ZNF229: variants seen among roughly 807,000 people sequenced by gnomAD.
The protein encoded by ZNF229 is zinc finger protein 229.
Under a neutral mutation model 11.8 loss-of-function variants are expected in ZNF229, and 10 were observed. The observed-to-expected ratio is 0.85, with a 90% CI of 0.52 to 1.44. The LOEUF is 1.44. ZNF229 is among the 40% of genes most tolerant of loss of function. The probability of loss-of-function intolerance (pLI) is 0.00; values close to 1 mark genes in which losing one functional copy is unlikely to be tolerated. For synonymous variants in ZNF229, 368 were observed against 374.8 expected (o/e 0.98, Z 0.21); for missense variants, 1,045 against 1,015.1 (o/e 1.03, Z -0.40).
At chr19:44,444,684 G>T (rs1200816011) in intron 2 of ZNF229, among the ~76,000 whole-genome samples, 1 of 152,214 alleles carries the variant, frequency 6.6e-6, no homozygotes, top group East Asian at 1.9e-4. Context: ...TTCTAATTCT[G>T]TATCTCTGCA....
chr19:44,431,813 C>T (rs955591943), intron 5 of ZNF229: 4 of 988,896 alleles, frequency 4.0e-6, no homozygotes, highest in Admixed American at 6.1e-5. Context: ...CCCCAGTCTT[C>T]AAAAATTCCT....
chr19:44,431,763 T>C (rs1472415507), intron 5 of ZNF229: 1 of 987,918 alleles, frequency 1.0e-6, no homozygotes, highest in African/African-American at 1.7e-5. Flanking sequence ...CTCATGGTTC[T>C]CACCTGGAGA....
chr19:44,448,439 G>C lies in ZNF229; in HGVS notation c.-396C>G, dbSNP rs894276355. 1 of 152,348 alleles carries C rather than the reference G, an allele frequency of 6.6e-6. No individual in the cohort carries two copies. Among genetic ancestry groups the C allele is most frequent in the East Asian group, 1.9e-4 (1 of 5,188 alleles). 9.4% of individuals were successfully genotyped at this position (152,348 alleles called of 1,614,324 possible). A position where few individuals can be genotyped will look rare whatever the true frequency, so the allele number is the denominator to read the frequency against. Reference sequence around the variant, plus strand: ...ACCGCATGGAGATGCACGTCTCTAAGACGCCTCACCACTGCCTAAGAAGCA... The same window carrying C: ...ACCGCATGGAGATGCACGTCTCTAACACGCCTCACCACTGCCTAAGAAGCA... On this transcript the variant is annotated 5_prime_UTR_variant, in exon 1 of 6. Coordinates refer to ENST00000614049, the MANE Select transcript of ZNF229 (RefSeq NM_014518.4).
chr19:44,430,710 T>A (rs1971708515), intron 5 of ZNF229, among the ~76,000 whole-genome samples, 168 bp from the exon 6 acceptor site: 1 of 152,116 alleles, frequency 6.6e-6, no homozygotes, highest in South Asian at 2.1e-4. Flanking sequence ...ATTAATAAGT[T>A]TTGAAGCTAA....
At chr19:44,441,494 A>G (rs115602488) in intron 4 of ZNF229, among the ~76,000 whole-genome samples, 1,577 of 152,350 alleles carry the variant, frequency 0.01, 31 homozygotes, top group African/African-American at 0.035. Flanking sequence ...TTCAGTTTAA[A>G]AGAAAATTAA....
chr19:44,448,503 C>G (rs1972043738), upstream of ZNF229: 1 of 152,224 alleles, frequency 6.6e-6, no homozygotes, highest in Non-Finnish European at 1.5e-5. Flanking sequence ...AAGTAGTCGA[C>G]TCGAGGTGTG....
rs1971611671 is a variant in ZNF229 at position 44,428,095 on chromosome 19, CAG to C, written c.*206_*207del. The C allele has an allele frequency of 3.6e-6, 2 of 556,478 alleles. No homozygotes were observed. Among genetic ancestry groups the C allele is most frequent in the East Asian group, 2.9e-5 (1 of 34,472 alleles). 34.5% of individuals were successfully genotyped at this position (556,478 alleles called of 1,614,324 possible). A position where few individuals can be genotyped will look rare whatever the true frequency, so the allele number is the denominator to read the frequency against. On this transcript the variant is annotated 3_prime_UTR_variant, in exon 6 of 6. Coordinates refer to ENST00000614049, the MANE Select transcript of ZNF229 (RefSeq NM_014518.4). ...CTTTAAAGCCTACTCCGCTGCACAA[CAG>C]ACTCTTAAAGACTGAAGTTTGTAAC...
chr19:44,446,748 C>T (rs11670301), intron 2 of ZNF229, among the ~76,000 whole-genome samples: 16,818 of 152,192 alleles, frequency 0.11, 959 homozygotes, highest in Middle Eastern at 0.18. Context: ...TGCTTACTTT[C>T]GGGTGGGTTA....
chr19:44,446,568 A>G (rs1169990027), intron 2 of ZNF229, among the ~76,000 whole-genome samples: 1 of 152,262 alleles, frequency 6.6e-6, no homozygotes, highest in East Asian at 1.9e-4. Context: ...TACGTGGTAC[A>G]CAGAAAATCA....
rs1299054437 is a variant in ZNF229, at chr19:44,429,490, TCTCCCCTGTGTGCAGCCTCTGATGGA to T, written c.1265_1290del (p.Val422GlufsTer62). ...CCACACTCGCTGCAGGTGTAGGGCT[TCTCCCCTGTGTGCAGCCTCTGATGGA>T]CTTGAAGCACTGAGCTGTAACTGAA... On this transcript the variant is annotated frameshift_variant, in exon 6 of 6. Transcript: ENST00000614049. LOFTEE classifies it low-confidence loss of function (END_TRUNC). 1.9e-6 allele frequency: 3 copies of T among 1,613,882 alleles called. No homozygotes were observed. The highest frequency in any genetic ancestry group is 1.7e-4 in the Middle Eastern group (1 of 6,060).
chr19:44,441,494 A>C (rs115602488), intron 4 of ZNF229, among the ~76,000 whole-genome samples: 1 of 152,232 alleles, frequency 6.6e-6, no homozygotes, highest in Admixed American at 6.5e-5. Flanking sequence ...TTCAGTTTAA[A>C]AGAAAATTAA....
intron 5 of ZNF229, chr19:44,431,901 G>T: frequency 2.8e-6 from 2 of 712,804 alleles, no homozygotes; most frequent in Non-Finnish European, 3.5e-6. Context: ...CATGGAGGTG[G>T]AACCCCCAGG....
intron 1 of ZNF229, among the ~76,000 whole-genome samples, chr19:44,448,028 A>G (rs1380790176): frequency 1.3e-5 from 2 of 152,220 alleles, no homozygotes; most frequent in Admixed American, 6.5e-5. Context: ...TCAAAGGATA[A>G]AATTAGAACA....
intron 4 of ZNF229, among the ~76,000 whole-genome samples, chr19:44,438,484 T>G (rs1971851900): frequency 6.6e-6 from 1 of 152,216 alleles, no homozygotes; most frequent in Non-Finnish European, 1.5e-5. Flanking sequence ...ACGAAGTGTG[T>G]GACGCTGTGA....
intron 4 of ZNF229, among the ~76,000 whole-genome samples, chr19:44,438,424 G>T (rs928979975): frequency 6.6e-6 from 1 of 152,128 alleles, no homozygotes; most frequent in African/African-American, 2.4e-5. Context: ...AGCAAAAATT[G>T]CTATGATTTC....
In ZNF229 at chr19:44,442,794, C is replaced by T. The variant is rs1364754545; in HGVS notation, c.34+20G>A. On this transcript the variant is annotated intron_variant, in intron 3 of 5. Transcript: ENST00000614049. ...TCAGTTTGGATTCTCCCCCCACCCACCCCCTCTATTAGCTGTCACCTCTTT... is the reference window on the plus strand; with the variant it reads ...TCAGTTTGGATTCTCCCCCCACCCATCCCCTCTATTAGCTGTCACCTCTTT... 7.1e-6 allele frequency: 11 copies of T among 1,553,816 alleles called. 1 individual carries two copies. The highest frequency in any genetic ancestry group is 1.1e-5 in the South Asian group (1 of 89,770).
chr19:44,428,907 T>C lies in ZNF229; in HGVS notation c.1874A>G (p.Glu625Gly), dbSNP rs1205444076. 6.2e-7 allele frequency: 1 copy of C among 1,613,560 alleles called. No homozygotes were observed. Among genetic ancestry groups the C allele is most frequent in the Admixed American group, 1.7e-5 (1 of 59,980 alleles). Residue 625 changes from glutamate to glycine, a missense_variant, in exon 6 of 6, where the codon GAG becomes GGG. Transcript: ENST00000614049. ...ACACTCAGCACATTTATAGGGTTTC[T>C]CTCCAGTGTGGACCCTCTGATGGAT... ...LLIHQRVHTGEKPYKCAECGK... is the reference protein window; with the variant it reads ...LLIHQRVHTGGKPYKCAECGK...
chr19:44,434,915 G>T (rs974860168), intron 4 of ZNF229, among the ~76,000 whole-genome samples: 1 of 152,054 alleles, frequency 6.6e-6, no homozygotes, highest in African/African-American at 2.4e-5. Flanking sequence ...TGAATCATGG[G>T]GGGTGGGTCT....
rs949853440 is a variant in ZNF229 at position 44,428,263 on chromosome 19, T to C, written c.*40A>G. 1 of 1,551,128 alleles carries C rather than the reference T, an allele frequency of 6.4e-7. No individual in the cohort carries two copies. Among genetic ancestry groups the C allele is most frequent in the Non-Finnish European group, 8.7e-7 (1 of 1,147,016 alleles). On this transcript the variant is annotated 3_prime_UTR_variant, in exon 6 of 6. Transcript: ENST00000614049. The stretch of plus-strand genomic sequence containing the variant: ...TCTCCTGTGTTGGCTCTCAGATGGA[T>C]AGAAAGCTCTGAGTCCCAGATGGAA...
Sources: gnomAD v4.1 joint callset for allele counts (sites outside exome capture counted in the v4.1 genomes callset) on GRCh38, gnomAD v4.1.1 for gene constraint, MANE v1.5 for transcripts, NCBI Gene and HGNC (gene_info 2026-07-23, HGNC 2026-07-21) for gene names.